CFAP161: variants seen among roughly 807,000 people sequenced by gnomAD.
CFAP161 encodes the protein cilia and flagella associated protein 161.
In CFAP161, 25 loss-of-function variants were observed where a neutral mutation model predicts 29.0. The ratio of observed to expected loss-of-function variants is 0.86; its 90% CI spans 0.63 to 1.20. The LOEUF is 1.20. CFAP161 is among the 50% of genes most tolerant of loss of function. The pLI is 0.00. For missense variants in CFAP161, 367 were observed against 371.9 expected (o/e 0.99, Z 0.11); for synonymous variants, 116 against 137.4 (o/e 0.84, Z 1.09).
Position 81,134,321 on chromosome 15 carries a change from C to T in CFAP161, c.-9C>T. 6.3e-7 allele frequency: 1 copy of T among 1,582,660 alleles called. No homozygotes were observed. Among genetic ancestry groups the T allele is most frequent in the Non-Finnish European group, 8.6e-7 (1 of 1,165,032 alleles). On this transcript the variant is annotated 5_prime_UTR_variant, in exon 1 of 7. The change creates a premature stop within an existing upstream ORF in the 5' untranslated region. Coordinates refer to ENST00000286732, the MANE Select transcript of CFAP161 (RefSeq NM_173528.4). Reference sequence around the variant, plus strand: ...GGAGGGAGGCCCACTTGCTGAACAGCAGGGAGCGATGGCGCAGAACGTGTA... The same window carrying T: ...GGAGGGAGGCCCACTTGCTGAACAGTAGGGAGCGATGGCGCAGAACGTGTA...
At position 81,148,526 on chromosome 15, in the gene CFAP161, C is replaced by G; in HGVS notation, c.899C>G (p.Thr300Arg). The change falls in exon 7 of 7, where the codon ACG (threonine) becomes AGG (arginine). Residue 300 changes from threonine (T) to arginine (R), a missense_variant. Physicochemically the swap from Thr to Arg is moderately conservative, Grantham distance 71 (BLOSUM62 -1). Transcript: ENST00000286732. ...ATGGAGCAGGCCATGGGCCTTGACACGCAGTAACACGCCAGGCACGTGCAT... is the reference window on the plus strand; with the variant it reads ...ATGGAGCAGGCCATGGGCCTTGACAGGCAGTAACACGCCAGGCACGTGCAT... ...RAMEQAMGLD[T>R]Q is the part of the protein sequence containing the mutation. 2.5e-6 allele frequency: 4 copies of G among 1,610,248 alleles called. No homozygotes were observed. The highest frequency in any genetic ancestry group is 3.4e-6 in the Non-Finnish European group (4 of 1,176,712).
chr15:81,114,802 T>G (rs1244012209), intron 1 of CFAP161, among the ~76,000 whole-genome samples: 2 of 152,120 alleles, frequency 1.3e-5, no homozygotes, highest in Admixed American at 1.3e-4. Context: ...TAGCTGGGAC[T>G]GCAGGCACCC....
At chr15:81,115,849 ATT>A (rs59925511) in intron 1 of CFAP161, among the ~76,000 whole-genome samples, 179 of 138,610 alleles carry the variant, frequency 1.3e-3, no homozygotes, top group African/African-American at 3.6e-3. Context: ...TAGCTAATTA[ATT>A]TTTTTTTTTT....
At chr15:81,146,439 G>A (rs1457695844) in intron 5 of CFAP161, among the ~76,000 whole-genome samples, 2 of 152,100 alleles carry the variant, frequency 1.3e-5, no homozygotes, top group Non-Finnish European at 2.9e-5. Context: ...ACATCATGAA[G>A]ATACTTCTTT....
intron 1 of CFAP161, among the ~76,000 whole-genome samples, chr15:81,124,173 T>G (rs1489662661): frequency 1.3e-5 from 2 of 152,208 alleles, no homozygotes; most frequent in Admixed American, 1.3e-4. Flanking sequence ...TGGCTGTGGG[T>G]TTGTCATATA....
At chr15:81,148,120 C>T (rs77402473) in intron 6 of CFAP161, among the ~76,000 whole-genome samples, 189 bp downstream of exon 6, 3,726 of 152,240 alleles carry the variant, frequency 0.024, 161 homozygotes, top group African/African-American at 0.083. Flanking sequence ...ACAAATCCTA[C>T]CCCTACAAGA....
At chr15:81,120,770 A>G (rs2683241) in intron 1 of CFAP161, among the ~76,000 whole-genome samples, 86,989 of 152,088 alleles carry the variant, frequency 0.57, 26,136 homozygotes, top group Non-Finnish European at 0.68. Context: ...ACTTATATAA[A>G]TCTGAGAAGT....
intron 1 of CFAP161, among the ~76,000 whole-genome samples, chr15:81,121,499 T>C (rs1164528353): frequency 2.4e-5 from 3 of 125,976 alleles, no homozygotes; most frequent in Non-Finnish European, 5.5e-5. Flanking sequence ...TTTCTTATAA[T>C]TTTTTTCATC....
chr15:81,101,833 T>A (rs955438648), intron 1 of CFAP161, among the ~76,000 whole-genome samples: 1 of 152,082 alleles, frequency 6.6e-6, no homozygotes, highest in African/African-American at 2.4e-5. Context: ...TGCTTTGCAA[T>A]GCTGTTTGAT....
intron 1 of CFAP161, among the ~76,000 whole-genome samples, chr15:81,105,210 T>A (rs1316983020): frequency 1.8e-5 from 1 of 55,998 alleles, no homozygotes; most frequent in Non-Finnish European, 4.8e-5. Context: ...CCCCTCCTCC[T>A]TTCTCCCCCA....
chr15:81,134,158 C>A, upstream of CFAP161: 1 of 670,026 alleles, frequency 1.5e-6, no homozygotes, highest in Non-Finnish European at 2.5e-6. Flanking sequence ...CCACAGACAG[C>A]CGCTGACCCA....
At chr15:81,128,095 A>T (rs988387118) in intron 2 of CFAP161, among the ~76,000 whole-genome samples, 1 of 152,132 alleles carries the variant, frequency 6.6e-6, no homozygotes, top group African/African-American at 2.4e-5. Context: ...GGTGGTAATG[A>T]CCTTTGTGTA....
At chr15:81,112,737 TGA>T (rs1202000804) in intron 1 of CFAP161, among the ~76,000 whole-genome samples, 5 of 152,284 alleles carry the variant, frequency 3.3e-5, no homozygotes, top group African/African-American at 1.2e-4. Context: ...GGACCACTGC[TGA>T]GAGTGTGTCA....
chr15:81,144,804 GA>G (rs1894978895), intron 5 of CFAP161, among the ~76,000 whole-genome samples: 1 of 148,034 alleles, frequency 6.8e-6, no homozygotes, highest in African/African-American at 2.6e-5. Flanking sequence ...AAAAAAGAAA[GA>G]AAAAGAGCTT....
At chr15:81,125,422 C>T (rs1894628859) in intron 1 of CFAP161, among the ~76,000 whole-genome samples, 1 of 152,134 alleles carries the variant, frequency 6.6e-6, no homozygotes, top group Non-Finnish European at 1.5e-5. Context: ...ACAGATAATT[C>T]TGTTTTAGGC....
intron 6 of CFAP161, 127 bp downstream of exon 6, chr15:81,148,058 C>T (rs1237980892): frequency 5.3e-6 from 4 of 755,456 alleles, no homozygotes; most frequent in Non-Finnish European, 8.4e-6. Flanking sequence ...TGAAATACCG[C>T]CACATAGAAC....
intron 1 of CFAP161, among the ~76,000 whole-genome samples, chr15:81,107,691 C>G (rs1428154575): frequency 6.6e-6 from 1 of 152,172 alleles, no homozygotes; most frequent in Non-Finnish European, 1.5e-5. Flanking sequence ...TGCCATTGCA[C>G]TCCAGCCTGG....
intron 3 of CFAP161, 42 bp downstream of exon 3, chr15:81,136,790 TG>T: frequency 6.6e-7 from 1 of 1,522,884 alleles, no homozygotes; most frequent in South Asian, 1.1e-5. Context: ...ATCATAAATA[TG>T]TTTCACTTGT....
rs765116821 is a variant in CFAP161, at chr15:81,134,279, C to G, written c.-51C>G. ...GCCGGGTCGTCATGGCGACGCGCCA[C>G]GCTAACGCATGGTGTCGGAGGGAGG... On this transcript the variant is annotated 5_prime_UTR_variant, in exon 1 of 7. Coordinates refer to ENST00000286732, the MANE Select transcript of CFAP161 (RefSeq NM_173528.4). 6.4e-7 allele frequency: 1 copy of G among 1,552,694 alleles called. No individual in the cohort carries two copies. The highest frequency in any genetic ancestry group is 8.7e-7 in the Non-Finnish European group (1 of 1,145,942).
Sources: gnomAD v4.1 joint callset for allele counts (sites outside exome capture counted in the v4.1 genomes callset) on GRCh38, gnomAD v4.1.1 for gene constraint, MANE v1.5 for transcripts, NCBI Gene and HGNC (gene_info 2026-07-23, HGNC 2026-07-21) for gene names.